The following OR8G5 variants were observed in gnomAD, a reference collection of about 807,000 sequenced individuals.
OR8G5 encodes the protein olfactory receptor family 8 subfamily G member 5, also known as olfactory receptor 8G5.
For synonymous variants in OR8G5, 147 were observed against 147.7 expected (o/e 1.00, Z 0.03); for missense variants, 347 against 371.9 (o/e 0.93, Z 0.55).
rs1370627904 is a variant in OR8G5, at chr11:124,265,427, G to A, written c.496G>A (p.Val166Ile). Residue 166 changes from valine (V) to isoleucine (I), a missense_variant, in exon 2 of 2, where the codon GTT becomes ATT. Transcript: ENST00000641992. ...ASAHIGCMFR[V>I]QFCKFDVINH... ...AGCTCATATAGGCTGTATGTTTAGG[G>A]TTCAATTCTGCAAATTTGATGTGAT... is the stretch of plus-strand genomic sequence containing the variant. The A allele has an allele frequency of 1.2e-6, 2 of 1,613,996 alleles. No individual in the cohort carries two copies. Among genetic ancestry groups the A allele is most frequent in the Non-Finnish European group, 8.5e-7 (1 of 1,179,892 alleles).
rs1266893751 is a variant in OR8G5, at chr11:124,265,491, T to C, written c.560T>C (p.Leu187Pro). 6.2e-7 allele frequency: 1 copy of C among 1,613,996 alleles called. No individual in the cohort carries two copies. The highest frequency in any genetic ancestry group is 1.1e-5 in the South Asian group (1 of 91,076). Residue 187 changes from leucine to proline, a missense_variant, in exon 2 of 2, where the codon CTC becomes CCC. Coordinates refer to ENST00000641992, the MANE Select transcript of OR8G5 (RefSeq NM_001005198.2). The stretch of plus-strand genomic sequence containing the variant: ...TGTGATCTTATTTCTATCTTGAAGC[T>C]CTCCTGTTCTAGTACTTACATTAAT... ...YFCDLISILK[L>P]SCSSTYINEL...
chr11:124,263,113 T>C (rs550180185), intron 1 of OR8G5, among the ~76,000 whole-genome samples: 1 of 152,300 alleles, frequency 6.6e-6, no homozygotes, highest in South Asian at 2.1e-4. Flanking sequence ...TGACCAGTCA[T>C]ATATCTTTTC....
chr11:124,258,669 T>A (rs112851495), intron 1 of OR8G5, among the ~76,000 whole-genome samples: 4 of 152,288 alleles, frequency 2.6e-5, no homozygotes, highest in African/African-American at 9.6e-5. Flanking sequence ...AACCTCATAG[T>A]GCCCATAGAA....
chr11:124,264,315 A>G (rs1591396366), intron 1 of OR8G5, among the ~76,000 whole-genome samples: 1 of 152,208 alleles, frequency 6.6e-6, no homozygotes, highest in East Asian at 1.9e-4. Flanking sequence ...AAGGGATGTC[A>G]GAGATACTTC....
In OR8G5 at chr11:124,265,108, G is replaced by A; in HGVS notation, c.177G>A (p.Met59Ile). 1 of 1,614,092 alleles carries A rather than the reference G, an allele frequency of 6.2e-7. No homozygotes were observed. The highest frequency in any genetic ancestry group is 8.5e-7 in the Non-Finnish European group (1 of 1,180,024). Reference protein sequence around the residue: ...IGLSSHLHTPMYCFLSSLSFI... With the variant: ...IGLSSHLHTPIYCFLSSLSFI... ...TCAGTTCTCACCTGCACACACCTATGTACTGTTTCCTCAGCAGTCTGTCCT... is the reference window on the plus strand; with the variant it reads ...TCAGTTCTCACCTGCACACACCTATATACTGTTTCCTCAGCAGTCTGTCCT... The change falls in exon 2 of 2, where the codon ATG (methionine) becomes ATA (isoleucine). Residue 59 changes from methionine (M) to isoleucine (I), a missense_variant. Physicochemically the swap from Met to Ile is conservative, Grantham distance 10. Transcript: ENST00000641992.
intron 1 of OR8G5, among the ~76,000 whole-genome samples, chr11:124,260,791 T>C (rs1229679601): frequency 6.6e-6 from 1 of 151,962 alleles, no homozygotes; most frequent in Non-Finnish European, 1.5e-5. Flanking sequence ...TTTAGGATAC[T>C]CATCACCTCA....
In OR8G5 at chr11:124,265,120, C is replaced by T. The variant is rs1341295514; in HGVS notation, c.189C>T (p.Leu63=). The change falls in exon 2 of 2, where the codon CTC becomes CTT. Residue 63 remains leucine (L), a synonymous_variant. Transcript: ENST00000641992. ...SHLHTPMYCF[L]SSLSFIDFCH... ...TGCACACACCTATGTACTGTTTCCT[C>T]AGCAGTCTGTCCTTCATTGACTTCT... The T allele has an allele frequency of 1.9e-6, 3 of 1,614,148 alleles. No individual in the cohort carries two copies. Among genetic ancestry groups the T allele is most frequent in the Non-Finnish European group, 2.5e-6 (3 of 1,180,016 alleles).
intron 1 of OR8G5, among the ~76,000 whole-genome samples, chr11:124,264,159 C>T (rs1018277287): frequency 7.2e-5 from 11 of 152,042 alleles, no homozygotes; most frequent in African/African-American, 2.4e-4. Context: ...ATAATGTTCT[C>T]TTTTACAGAT....
intron 1 of OR8G5, among the ~76,000 whole-genome samples, chr11:124,261,778 G>A (rs1349259786): frequency 6.6e-6 from 1 of 151,834 alleles, no homozygotes; most frequent in Non-Finnish European, 1.5e-5. Context: ...ATGATATGTT[G>A]TATTATAAAG....
chr11:124,257,318 A>G (rs946612947), intron 1 of OR8G5, among the ~76,000 whole-genome samples: 3 of 152,146 alleles, frequency 2.0e-5, no homozygotes, highest in African/African-American at 4.8e-5. Flanking sequence ...GAATATTTTT[A>G]TATTGATTAA....
At chr11:124,257,278 CT>C (rs1861922606) in intron 1 of OR8G5, among the ~76,000 whole-genome samples, 1 of 152,114 alleles carries the variant, frequency 6.6e-6, no homozygotes, top group South Asian at 2.1e-4. Flanking sequence ...AATAAATAGC[CT>C]CTTCCTTTTT....
Position 124,266,086 on chromosome 11 carries a change from T to A in OR8G5, c.*219T>A. ...AGACATGATATTTTCTTAGAAGAAA[T>A]AATAAGATTGACATAGTGAAATAGT... On this transcript the variant is annotated 3_prime_UTR_variant, in exon 2 of 2. Coordinates refer to ENST00000641992, the MANE Select transcript of OR8G5 (RefSeq NM_001005198.2). The A allele has an allele frequency of 1.7e-6, 1 of 572,694 alleles. No individual in the cohort carries two copies. The highest frequency in any genetic ancestry group is 2.8e-5 in the South Asian group (1 of 35,094). 35.5% of individuals were successfully genotyped at this position (572,694 alleles called of 1,614,324 possible).
intron 1 of OR8G5, among the ~76,000 whole-genome samples, chr11:124,262,841 T>G (rs1308948793): frequency 6.6e-6 from 1 of 152,156 alleles, no homozygotes; most frequent in Non-Finnish European, 1.5e-5. Flanking sequence ...GGGTAAATAC[T>G]AAGAGGCAGA....
intron 1 of OR8G5, among the ~76,000 whole-genome samples, chr11:124,263,191 T>A (rs1341461560): frequency 6.6e-6 from 1 of 152,148 alleles, no homozygotes; most frequent in Non-Finnish European, 1.5e-5. Context: ...ATTATTTGCA[T>A]ATGTTATTTA....
Position 124,265,051 on chromosome 11 carries a change from G to C in OR8G5, c.120G>C (p.Leu40=), listed in dbSNP as rs755069810. The C allele has an allele frequency of 3.1e-6, 5 of 1,614,066 alleles. No homozygotes were observed. Among genetic ancestry groups the C allele is most frequent in the Non-Finnish European group, 3.4e-6 (4 of 1,180,014 alleles). ...VFLGIYVVTV[L]GNLGMITLIG... The stretch of plus-strand genomic sequence containing the variant: ...TGGGAATCTATGTAGTCACAGTGCT[G>C]GGGAACCTGGGCATGATCACACTGA... Residue 40 remains leucine (L), a synonymous_variant, in exon 2 of 2, where the codon CTG becomes CTC. Transcript: ENST00000641992.
rs531497514 is a variant in OR8G5, at chr11:124,265,514, A to G, written c.583A>G (p.Asn195Asp). The G allele has an allele frequency of 6.2e-7, 1 of 1,613,896 alleles. No individual in the cohort carries two copies. The highest frequency in any genetic ancestry group is 1.7e-5 in the Admixed American group (1 of 60,014). ...LKLSCSSTYI[N>D]ELLILIFSGI... ...GCTCTCCTGTTCTAGTACTTACATT[A>G]ATGAGTTACTGATTTTAATCTTTAG... Residue 195 changes from asparagine (N) to aspartate (D), a missense_variant, in exon 2 of 2, where the codon AAT becomes GAT. Coordinates refer to ENST00000641992, the MANE Select transcript of OR8G5 (RefSeq NM_001005198.2).
At chr11:124,260,220 A>G (rs1023938026) in intron 1 of OR8G5, among the ~76,000 whole-genome samples, 1 of 151,990 alleles carries the variant, frequency 6.6e-6, no homozygotes, top group Non-Finnish European at 1.5e-5. Context: ...AGTATACACC[A>G]TAGAATACCA....
Position 124,265,717 on chromosome 11 carries a change from A to G in OR8G5, c.786A>G (p.Pro262=). 6.2e-7 allele frequency: 1 copy of G among 1,614,072 alleles called. No individual in the cohort carries two copies. The highest frequency in any genetic ancestry group is 2.2e-5 in the East Asian group (1 of 44,866). ...CTGCAGCATTCATGTACCTGCAGCC[A>G]TCATCTGTCAGCTCCATGGACCAGG... ...FGSAAFMYLQ[P]SSVSSMDQGK... is the part of the protein sequence containing the mutation. Residue 262 remains proline (P), a synonymous_variant, in exon 2 of 2, where the codon CCA becomes CCG. Transcript: ENST00000641992.
rs2512167 is a variant in OR8G5 at position 124,265,542 on chromosome 11, G to A, written c.611G>A (p.Gly204Glu). 0.52 allele frequency: 834,273 copies of A among 1,613,414 alleles called. 220,157 individuals are homozygous for A. Among genetic ancestry groups the A allele is most frequent in the East Asian group, 0.56 (25,299 of 44,866 alleles). ...GAGTTACTGATTTTAATCTTTAGTG[G>A]AATTAACATCCTTGTCCCCAGCCTG... ...INELLILIFS[G>E]INILVPSLTI... The change falls in exon 2 of 2, where the codon GGA becomes GAA. Residue 204 changes from glycine to glutamate, a missense_variant. Transcript: ENST00000641992.
Sources: gnomAD v4.1 joint callset for allele counts (sites outside exome capture counted in the v4.1 genomes callset) on GRCh38, gnomAD v4.1.1 for gene constraint, MANE v1.5 for transcripts, NCBI Gene and HGNC (gene_info 2026-07-23, HGNC 2026-07-21) for gene names.